Variants in TFAP2D observed in about 807,000 individuals in gnomAD.
The protein encoded by TFAP2D is transcription factor AP-2 delta.
In TFAP2D, 9 loss-of-function variants were observed where a neutral mutation model predicts 43.6. That is an observed-to-expected ratio of 0.21 (90% CI 0.12 to 0.36). TFAP2D has a LOEUF of 0.36. Among genes scored for constraint, TFAP2D ranks in the 10% least tolerant of loss-of-function variants. The pLI is 1.00. For synonymous variants in TFAP2D, 256 were observed against 224.9 expected (o/e 1.14, Z -1.24); for missense variants, 513 against 561.4 (o/e 0.91, Z 0.87).
chr6:50,755,831 T>C (rs1038049591), intron 7 of TFAP2D, among the ~76,000 whole-genome samples: 3 of 152,012 alleles, frequency 2.0e-5, no homozygotes, highest in African/African-American at 7.2e-5. Flanking sequence ...TTGATGATTC[T>C]ACTAATAATC....
intron 5 of TFAP2D, among the ~76,000 whole-genome samples, chr6:50,735,641 C>T (rs1317114927): frequency 6.6e-6 from 1 of 152,062 alleles, no homozygotes; most frequent in African/African-American, 2.4e-5. Flanking sequence ...ACAAGATTCC[C>T]CTACAAAACC....
intron 6 of TFAP2D, among the ~76,000 whole-genome samples, chr6:50,749,277 T>C (rs898264817): frequency 4.6e-5 from 7 of 151,824 alleles, no homozygotes; most frequent in African/African-American, 1.7e-4. Context: ...AATTTCTTCG[T>C]CAATTTTATT....
At chr6:50,734,398 C>G (rs554681506) in intron 5 of TFAP2D, among the ~76,000 whole-genome samples, 2 of 152,138 alleles carry the variant, frequency 1.3e-5, no homozygotes, top group East Asian at 3.9e-4. Context: ...ATAATGCCAG[C>G]TGTTATAACA....
chr6:50,727,023 G>T (rs918556161), intron 3 of TFAP2D, among the ~76,000 whole-genome samples: 1 of 152,172 alleles, frequency 6.6e-6, no homozygotes, highest in African/African-American at 2.4e-5. Flanking sequence ...TTCTAACTGC[G>T]AACAGGTTTT....
intron 3 of TFAP2D, among the ~76,000 whole-genome samples, chr6:50,720,906 G>A (rs1768712809): frequency 6.6e-6 from 1 of 152,184 alleles, no homozygotes; most frequent in African/African-American, 2.4e-5. Flanking sequence ...ATCACCTTCT[G>A]AAATGCTTGG....
At chr6:50,742,781 T>C (rs945890627) in intron 5 of TFAP2D, among the ~76,000 whole-genome samples, 2 of 152,114 alleles carry the variant, frequency 1.3e-5, no homozygotes, top group African/African-American at 4.8e-5. Flanking sequence ...ACAAGATACT[T>C]TTGAAGCCTA....
chr6:50,731,476 T>A (rs2114039970), intron 5 of TFAP2D, among the ~76,000 whole-genome samples: 1 of 150,002 alleles, frequency 6.7e-6, no homozygotes, highest in East Asian at 1.9e-4. Flanking sequence ...ACACACACAT[T>A]GAAGTTTTAG....
chr6:50,719,161 A>G lies in TFAP2D; in HGVS notation c.598+11A>G. 1 of 1,612,624 alleles carries G rather than the reference A, an allele frequency of 6.2e-7. No homozygotes were observed. ...GAGTGATAAGAAGAGGTAAGTAACAAGTAACAACATGTTAACCCTAGACAT... is the reference window on the plus strand; with the variant it reads ...GAGTGATAAGAAGAGGTAAGTAACAGGTAACAACATGTTAACCCTAGACAT... On this transcript the variant is annotated intron_variant, in intron 3 of 7. Coordinates refer to ENST00000008391, the MANE Select transcript of TFAP2D (RefSeq NM_172238.4).
chr6:50,747,135 G>A (rs937252598), intron 6 of TFAP2D, among the ~76,000 whole-genome samples: 8 of 152,080 alleles, frequency 5.3e-5, no homozygotes, highest in Non-Finnish European at 1.0e-4. Context: ...TCTTCTGGGA[G>A]TCTTTATCTT....
chr6:50,745,002 ATTT>A, intron 5 of TFAP2D, 102 bp from the exon 6 acceptor site: 1 of 1,400,588 alleles, frequency 7.1e-7, no homozygotes, highest in Non-Finnish European at 9.6e-7. Context: ...AGGAAAAATG[ATTT>A]GTCTGACCAC....
chr6:50,737,294 T>C (rs1183863132), intron 5 of TFAP2D, among the ~76,000 whole-genome samples: 1 of 152,188 alleles, frequency 6.6e-6, no homozygotes, highest in Non-Finnish European at 1.5e-5. Context: ...AATTTGTAGG[T>C]ATTTTAATCA....
At chr6:50,729,146 A>C (rs556161406) in intron 4 of TFAP2D, 48 bp from the exon 5 acceptor site, 1 of 1,607,952 alleles carries the variant, frequency 6.2e-7, no homozygotes, top group Admixed American at 1.7e-5. Flanking sequence ...CATAATTTTC[A>C]TCAGAATGTG....
intron 3 of TFAP2D, among the ~76,000 whole-genome samples, chr6:50,724,764 G>C (rs1292133483): frequency 6.7e-6 from 1 of 150,222 alleles, no homozygotes; most frequent in African/African-American, 2.4e-5. Context: ...CGGTGGCGGG[G>C]TGTGTGTGTG....
At chr6:50,716,677 A>G (rs1768633148) in intron 2 of TFAP2D, among the ~76,000 whole-genome samples, 1 of 152,356 alleles carries the variant, frequency 6.6e-6, no homozygotes, top group East Asian at 1.9e-4. Context: ...AAAATAATTC[A>G]AAAGACCCAT....
chr6:50,768,863 T>C (rs917394600), intron 7 of TFAP2D, among the ~76,000 whole-genome samples: 4 of 151,732 alleles, frequency 2.6e-5, no homozygotes, highest in Non-Finnish European at 4.4e-5. Flanking sequence ...ATATTGAATA[T>C]CCTTCAATTG....
intron 5 of TFAP2D, among the ~76,000 whole-genome samples, chr6:50,741,954 G>C (rs2113880921): frequency 6.6e-6 from 1 of 152,160 alleles, no homozygotes; most frequent in South Asian, 2.1e-4. Flanking sequence ...CCACCACAGA[G>C]GCAGAGGAGC....
chr6:50,755,540 G>A (rs545762108), intron 7 of TFAP2D, among the ~76,000 whole-genome samples: 1 of 151,790 alleles, frequency 6.6e-6, no homozygotes, highest in South Asian at 2.1e-4. Flanking sequence ...AAACTCTCAA[G>A]TTGATTCTGA....
At chr6:50,766,654 CTTTTTTTT>C (rs763018088) in intron 7 of TFAP2D, among the ~76,000 whole-genome samples, 4 of 57,384 alleles carry the variant, frequency 7.0e-5, no homozygotes, top group African/African-American at 1.0e-4. Context: ...AGATTGCTTT[CTTTTTTTT>C]TTTTTTTTTT....
intron 5 of TFAP2D, among the ~76,000 whole-genome samples, chr6:50,743,760 T>G (rs1769086432): frequency 6.6e-6 from 1 of 152,142 alleles, no homozygotes; most frequent in South Asian, 2.1e-4. Context: ...GCTATTTCAT[T>G]TTTTCCTGGT....
Sources: gnomAD v4.1 joint callset for allele counts (sites outside exome capture counted in the v4.1 genomes callset) on GRCh38, gnomAD v4.1.1 for gene constraint, MANE v1.5 for transcripts, NCBI Gene and HGNC (gene_info 2026-07-23, HGNC 2026-07-21) for gene names.